The following RNF14 variants were observed in gnomAD, a reference collection of about 807,000 sequenced individuals.
RNF14 encodes E3 ubiquitin-protein ligase RNF14.
Under a neutral mutation model 52.6 loss-of-function variants are expected in RNF14, and 26 were observed. That is an observed-to-expected ratio of 0.49 (90% CI 0.36 to 0.69). The LOEUF (loss-of-function observed/expected upper bound fraction) is 0.69. Among genes scored for constraint, RNF14 ranks in the 30% least tolerant of loss-of-function variants. RNF14 has a pLI of 0.00. For missense variants in RNF14, 404 were observed against 560.4 expected (o/e 0.72, Z 2.82); for synonymous variants, 194 against 202.0 (o/e 0.96, Z 0.34).
chr5:141,973,241 C>T (rs201611774), intron 2 of RNF14, among the ~76,000 whole-genome samples: 2 of 141,112 alleles, frequency 1.4e-5, no homozygotes, highest in African/African-American at 2.6e-5. Context: ...ATTTTCTTTT[C>T]TTTTTTTTTT....
At position 141,973,523 on chromosome 5, in the gene RNF14, C is replaced by G. The variant is rs1028611113; in HGVS notation, c.-6-60C>G. 5 of 1,443,966 alleles carry G rather than the reference C, an allele frequency of 3.5e-6. No homozygotes were observed. In the African/African-American group the frequency reaches 5.7e-5, roughly 17 times the overall value. 89.4% of individuals were successfully genotyped at this position (1,443,966 alleles called of 1,614,324 possible). On this transcript the variant is annotated intron_variant, in intron 2 of 8. Coordinates refer to ENST00000394520, the MANE Select transcript of RNF14 (RefSeq NM_004290.5). ...AAAGTGTTGGGATTACAGGTGTGAG[C>G]CACCACACCCGGCCAGCCTCTGTGC...
chr5:141,955,265 G>C (rs773668098), upstream of RNF14: 1 of 1,614,208 alleles, frequency 6.2e-7, no homozygotes, highest in Non-Finnish European at 8.5e-7. The surrounding 1 kb of genome is among the most constrained non-coding windows in gnomAD (Gnocchi z 5.5). Flanking sequence ...GGAAGGTTCA[G>C]GTTCTCCCGG....
At chr5:141,964,945 T>TAA (rs202036212), upstream of RNF14, among the ~76,000 whole-genome samples, 1 of 150,472 alleles carries the variant, frequency 6.6e-6, no homozygotes. Context: ...CTAATTTTTT[T>TAA]TAAAAAAAAA....
rs1249786559 is a variant in RNF14 at position 141,980,221 on chromosome 5, G to A, written c.933G>A (p.Arg311=). Residue 311 remains arginine (R), a synonymous_variant, in exon 6 of 9, where the codon CGG becomes CGA. Coordinates refer to ENST00000394520, the MANE Select transcript of RNF14 (RefSeq NM_004290.5). ...DLMADVVYCP[R]PCCQLPVMQE... ...TGGCAGATGTGGTGTACTGCCCCCG[G>A]CCGTGCTGCCAGCTGCCTGTGATGC... 6.2e-7 allele frequency: 1 copy of A among 1,614,182 alleles called. No homozygotes were observed. The highest frequency in any genetic ancestry group is 8.5e-7 in the Non-Finnish European group (1 of 1,180,024).
chr5:141,965,546 C>T (rs899313460), upstream of RNF14, among the ~76,000 whole-genome samples: 1 of 152,190 alleles, frequency 6.6e-6, no homozygotes, highest in Non-Finnish European at 1.5e-5. Flanking sequence ...AAGGCCAGAA[C>T]TATTTTACTC....
In RNF14 at chr5:141,972,578, G is replaced by A. The variant is rs149688651; in HGVS notation, c.-6-1005G>A. On this transcript the variant is annotated intron_variant, in intron 2 of 8. Transcript: ENST00000394520. Reference sequence around the variant, plus strand: ...GAAAACTTGCCCTAAAGATTCCTGTGGATTTAAAAAATTTACTTTTTTGTT... The same window carrying A: ...GAAAACTTGCCCTAAAGATTCCTGTAGATTTAAAAAATTTACTTTTTTGTT... 4.2e-3 allele frequency among the ~76,000 whole-genome samples: 634 copies of A among 151,918 alleles called. 3 individuals carry two copies. Among genetic ancestry groups the A allele is most frequent in the African/African-American group, 0.014 (596 of 41,440 alleles).
the RNF14 span, among the ~76,000 whole-genome samples, chr5:141,950,721 A>T: frequency 6.6e-6 from 1 of 152,202 alleles, no homozygotes; most frequent in African/African-American, 2.4e-5. Flanking sequence ...AAGAGCACTG[A>T]TGCAGGAGTC....
chr5:141,956,974 T>A, upstream of RNF14: 3 of 1,614,162 alleles, frequency 1.9e-6, no homozygotes, highest in Non-Finnish European at 2.5e-6. Context: ...ACTGAAGGTG[T>A]CCAGCACCTC....
At chr5:141,983,348 TATAA>T (rs758895793) in intron 6 of RNF14, 28 bp from the exon 7 acceptor site, 69 of 1,572,164 alleles carry the variant, frequency 4.4e-5, no homozygotes, top group East Asian at 3.6e-4. Context: ...TACAAAGTTA[TATAA>T]AAGTTAATTT....
intron 8 of RNF14, among the ~76,000 whole-genome samples, chr5:141,986,893 C>T (rs1157409856): frequency 6.6e-6 from 1 of 152,164 alleles, no homozygotes; most frequent in Non-Finnish European, 1.5e-5. Context: ...TCAGGGGACC[C>T]ATGTTCAAAA....
chr5:141,958,708 G>T (rs1238606241), intron 1 of RNF14: 1 of 152,280 alleles, frequency 6.6e-6, no homozygotes, highest in Non-Finnish European at 1.5e-5. Context: ...CAACTTACCA[G>T]CGGTGTCATC....
chr5:141,977,847 A>G (rs962094276), intron 4 of RNF14, among the ~76,000 whole-genome samples: 8 of 152,238 alleles, frequency 5.3e-5, no homozygotes, highest in Non-Finnish European at 8.8e-5. Flanking sequence ...GTATTTTTAA[A>G]CTATTCTTTT....
intron 8 of RNF14, among the ~76,000 whole-genome samples, chr5:141,986,727 A>C (rs1755268854): frequency 6.6e-6 from 1 of 152,238 alleles, no homozygotes; most frequent in South Asian, 2.1e-4. Flanking sequence ...CTTCAGCCAG[A>C]AGCTGGAAAC....
chr5:141,978,702 T>C lies in RNF14; in HGVS notation c.706T>C (p.Leu236=), dbSNP rs749863045. 2.5e-6 allele frequency: 4 copies of C among 1,614,044 alleles called. No homozygotes were observed. In the East Asian group the frequency reaches 8.9e-5, roughly 36 times the overall value. Reference sequence around the variant, plus strand: ...GCTGGGTAGTGAATGCATGTACTTCTTGGAGTGCAGGCATGTGTACTGCAA... The same window carrying C: ...GCTGGGTAGTGAATGCATGTACTTCCTGGAGTGCAGGCATGTGTACTGCAA... ...EKLGSECMYF[L]ECRHVYCKAC... Residue 236 remains leucine, a synonymous_variant, in exon 5 of 9, where the codon TTG becomes CTG. Transcript: ENST00000394520.
Position 141,974,931 on chromosome 5 carries a change from T to C in RNF14, c.282T>C (p.Ser94=), listed in dbSNP as rs1287791444. 13 of 1,613,822 alleles carry C rather than the reference T, an allele frequency of 8.1e-6. No individual in the cohort carries two copies. In the South Asian group the frequency reaches 1.3e-4, roughly 16 times the overall value. The change falls in exon 4 of 9, where the codon AGT becomes AGC. Residue 94 remains serine (S), a synonymous_variant. Coordinates refer to ENST00000394520, the MANE Select transcript of RNF14 (RefSeq NM_004290.5). ...PSSSPPSFTL[S]GKWLSPTQLS... is the part of the protein sequence containing the mutation. Reference sequence around the variant, plus strand: ...CTTCCCCACCTTCATTCACACTTAGTGGCAAATGGCTGTCACCAACTCAGG... The same window carrying C: ...CTTCCCCACCTTCATTCACACTTAGCGGCAAATGGCTGTCACCAACTCAGG...
chr5:141,955,273 C>A (rs143534629), upstream of RNF14: 1 of 1,614,032 alleles, frequency 6.2e-7, no homozygotes, highest in African/African-American at 1.3e-5. The surrounding 1 kb of genome is among the most constrained non-coding windows in gnomAD (Gnocchi z 5.5). Context: ...CAGGTTCTCC[C>A]GGGAGGCATT....
At chr5:141,957,105 C>G, upstream of RNF14, 7 of 1,614,136 alleles carry the variant, frequency 4.3e-6, no homozygotes, top group Non-Finnish European at 4.2e-6. This position sits in a 1 kb window ranked among gnomAD's most constrained non-coding sequence, Gnocchi z 4.3. Context: ...TTTCCAGTGC[C>G]AGTGAACTCT....
At chr5:141,950,565 T>C in the RNF14 span, among the ~76,000 whole-genome samples, 1 of 152,158 alleles carries the variant, frequency 6.6e-6, no homozygotes, top group African/African-American at 2.4e-5. Flanking sequence ...TGTGAAGATT[T>C]TGCAGGTTGC....
the RNF14 span, among the ~76,000 whole-genome samples, chr5:141,949,923 C>G: frequency 6.6e-6 from 1 of 152,194 alleles, no homozygotes; most frequent in African/African-American, 2.4e-5. Flanking sequence ...CGTTGCCCCT[C>G]CCATGTCTAG....
Sources: allele counts gnomAD v4.1 joint callset (sites outside exome capture counted in the v4.1 genomes callset), GRCh38; gene constraint gnomAD v4.1.1; non-coding constraint Gnocchi (gnomAD v3.1); transcripts MANE v1.5; gene names NCBI Gene and HGNC (gene_info 2026-07-23, HGNC 2026-07-21).